The following BANK1 variants were observed in gnomAD, a reference collection of about 807,000 sequenced individuals.
BANK1 encodes B cell scaffold protein with ankyrin repeats 1, also known as B-cell scaffold protein with ankyrin repeats.
A neutral mutation model predicts 94.5 loss-of-function variants in BANK1; 95 were observed. That is an observed-to-expected ratio of 1.00 (90% confidence interval 0.85 to 1.19). The LOEUF (loss-of-function observed/expected upper bound fraction) is 1.19. Among genes scored for constraint, BANK1 ranks in the 50% most tolerant of loss-of-function variants. The pLI, the probability that BANK1 is intolerant of heterozygous loss-of-function variation, is 0.00. For synonymous variants in BANK1, 334 were observed against 308.4 expected (o/e 1.08, Z -0.87); for missense variants, 987 against 932.2 (o/e 1.06, Z -0.77).
At chr4:101,985,014 CAA>C (rs765131540) in intron 7 of BANK1, among the ~76,000 whole-genome samples, 28 of 152,024 alleles carry the variant, frequency 1.8e-4, no homozygotes, top group Admixed American at 2.6e-4. Context: ...GAGATTTCAA[CAA>C]GAGAGAGAGA....
chr4:102,039,902 A>G (rs1294568367), intron 10 of BANK1, among the ~76,000 whole-genome samples: 1 of 152,132 alleles, frequency 6.6e-6, no homozygotes, highest in Non-Finnish European at 1.5e-5. Flanking sequence ...ATCATCAATG[A>G]TAGCTGTACA....
At chr4:101,857,568 C>A (rs1471138433) in intron 3 of BANK1, among the ~76,000 whole-genome samples, 4 of 152,138 alleles carry the variant, frequency 2.6e-5, no homozygotes, top group Non-Finnish European at 5.9e-5. Context: ...TACCTATGAC[C>A]CTTGGAGCTT....
At chr4:101,893,784 T>C (rs528953683) in intron 5 of BANK1, among the ~76,000 whole-genome samples, 1 of 152,216 alleles carries the variant, frequency 6.6e-6, no homozygotes, top group East Asian at 1.9e-4. Flanking sequence ...AAGTTTAATT[T>C]ATTTCACATT....
intron 11 of BANK1, among the ~76,000 whole-genome samples, chr4:102,054,971 T>C (rs1021674772): frequency 6.6e-6 from 1 of 152,120 alleles, no homozygotes; most frequent in Admixed American, 6.5e-5. Flanking sequence ...AAATAGTTGA[T>C]GTGCCAGAGT....
chr4:101,964,672 G>T (rs940837925), intron 7 of BANK1, among the ~76,000 whole-genome samples: 10 of 151,916 alleles, frequency 6.6e-5, no homozygotes, highest in Non-Finnish European at 1.3e-4. Flanking sequence ...TTACTGAAAT[G>T]ACTTTTTCTT....
intron 7 of BANK1, among the ~76,000 whole-genome samples, chr4:102,017,514 G>A (rs1466858917): frequency 6.6e-6 from 1 of 152,212 alleles, no homozygotes; most frequent in Non-Finnish European, 1.5e-5. Flanking sequence ...GCCTCAGAGG[G>A]AGAGAGAAGC....
rs142855344 is a variant in BANK1 at position 101,818,770 on chromosome 4, G to A, written c.71-11038G>A. ...ACTTTATCATAGACATACATTTATA[G>A]CAAAAAAGCTTAGTATATATAGAGT... On this transcript the variant is annotated intron_variant, in intron 1 of 16. Coordinates refer to ENST00000322953, the MANE Select transcript of BANK1 (RefSeq NM_017935.5). Among the ~76,000 whole-genome samples, 994 of 151,626 alleles carry A rather than the reference G, an allele frequency of 6.6e-3. 12 individuals are homozygous for A. Among genetic ancestry groups the A allele is most frequent in the African/African-American group, 0.023 (941 of 41,350 alleles).
chr4:101,900,436 G>C (rs1398190180), intron 6 of BANK1, among the ~76,000 whole-genome samples: 4 of 152,192 alleles, frequency 2.6e-5, no homozygotes, highest in Non-Finnish European at 4.4e-5. Flanking sequence ...CTGTTACGCA[G>C]AGAATAGATG....
At chr4:102,003,788 A>G (rs910319258) in intron 7 of BANK1, among the ~76,000 whole-genome samples, 1 of 152,058 alleles carries the variant, frequency 6.6e-6, no homozygotes, top group Non-Finnish European at 1.5e-5. Context: ...ACACAGATAT[A>G]AATATGTAAA....
At position 101,853,981 on chromosome 4, in the gene BANK1, C is replaced by G. The variant is rs72927154; in HGVS notation, c.470-1054C>G. On this transcript the variant is annotated intron_variant, in intron 2 of 16. Transcript: ENST00000322953. ...TGGTCTTGTCACTCTCTTGGTTCAT[C>G]ATGGTGACAGAGTGGCCTTGTCTAA... 8.1e-3 allele frequency among the ~76,000 whole-genome samples: 1,234 copies of G among 152,238 alleles called. 15 individuals carry two copies. Among genetic ancestry groups the G allele is most frequent in the African/African-American group, 0.028 (1,163 of 41,536 alleles).
At chr4:102,014,035 C>T (rs1726608638) in intron 7 of BANK1, among the ~76,000 whole-genome samples, 1 of 152,048 alleles carries the variant, frequency 6.6e-6, no homozygotes, top group Non-Finnish European at 1.5e-5. Flanking sequence ...GGATGTCCTT[C>T]AGTTCATGTA....
In BANK1 at chr4:102,018,307, A is replaced by C. The variant is rs577499171; in HGVS notation, c.1207-3207A>C. ...TCTTCAAACATATATTTGTCTTCAT[A>C]TTCTCATCCCATGGGCTTCAATGTG... On this transcript the variant is annotated intron_variant, in intron 7 of 16. Transcript: ENST00000322953. 4.9e-4 allele frequency among the ~76,000 whole-genome samples: 74 copies of C among 152,352 alleles called. 1 individual carries two copies. The highest frequency in any genetic ancestry group is 1.8e-3 in the African/African-American group (73 of 41,582).
At chr4:101,926,526 T>G (rs1434083437) in intron 7 of BANK1, among the ~76,000 whole-genome samples, 1 of 151,736 alleles carries the variant, frequency 6.6e-6, no homozygotes, top group Admixed American at 6.6e-5. Context: ...TTATTGACTA[T>G]CTGTTAGGTG....
intron 1 of BANK1, among the ~76,000 whole-genome samples, chr4:101,791,939 A>G (rs1373458686): frequency 6.6e-6 from 1 of 152,216 alleles, no homozygotes; most frequent in Non-Finnish European, 1.5e-5. Context: ...ACTATTGCAT[A>G]TTGACATTCT....
intron 7 of BANK1, among the ~76,000 whole-genome samples, chr4:102,002,187 A>C (rs2148937039): frequency 6.6e-6 from 1 of 152,238 alleles, no homozygotes; most frequent in South Asian, 2.1e-4. Flanking sequence ...GTCTGTTTCC[A>C]TGTTTTCAGC....
chr4:101,936,257 A>G (rs1272826640), intron 7 of BANK1, among the ~76,000 whole-genome samples: 2 of 150,052 alleles, frequency 1.3e-5, no homozygotes, highest in Admixed American at 1.3e-4. Flanking sequence ...TATGACACAC[A>G]TACATGTATG....
chr4:102,029,897 A>T, intron 9 of BANK1, 63 bp from the exon 10 acceptor site: 1 of 1,489,114 alleles, frequency 6.7e-7, no homozygotes, highest in South Asian at 1.4e-5. Context: ...AAAGTGACAG[A>T]TGGACACCAA....
intron 6 of BANK1, among the ~76,000 whole-genome samples, chr4:101,897,661 A>G (rs1382150576): frequency 1.3e-5 from 2 of 152,018 alleles, no homozygotes; most frequent in Non-Finnish European, 2.9e-5. Flanking sequence ...TTGGCTGCAT[A>G]TTGCAATCAC....
intron 7 of BANK1, among the ~76,000 whole-genome samples, chr4:101,975,376 G>A (rs1418899068): frequency 6.6e-6 from 1 of 152,154 alleles, no homozygotes; most frequent in East Asian, 1.9e-4. Flanking sequence ...TCTAAATTAT[G>A]CCCATCATAA....
Sources: gnomAD v4.1 joint callset for allele counts (sites outside exome capture counted in the v4.1 genomes callset) on GRCh38, gnomAD v4.1.1 for gene constraint, MANE v1.5 for transcripts, NCBI Gene and HGNC (gene_info 2026-07-23, HGNC 2026-07-21) for gene names.